COL22A1: variants seen among roughly 807,000 people sequenced by gnomAD.
COL22A1 encodes collagen type XXII alpha 1 chain, also known as collagen alpha-1(XXII) chain.
In COL22A1, 221 loss-of-function variants were observed where a neutral mutation model predicts 248.9. That is an observed-to-expected ratio of 0.89 (90% confidence interval 0.80 to 0.99). The LOEUF is 0.99. COL22A1 is among the 50% of genes least tolerant of loss of function. COL22A1 has a pLI of 0.00. For synonymous variants in COL22A1, 891 were observed against 793.4 expected (o/e 1.12, Z -2.07); for missense variants, 2,240 against 2,179.0 (o/e 1.03, Z -0.56).
At chr8:138,803,553 A>G (rs762886232) in intron 10 of COL22A1, among the ~76,000 whole-genome samples, 21 of 152,142 alleles carry the variant, frequency 1.4e-4, no homozygotes, top group Non-Finnish European at 1.8e-4. Flanking sequence ...ATAAAACAAA[A>G]CTTCCAAGTG....
At chr8:138,727,791 G>GGGGCA (rs1397462787) in intron 23 of COL22A1, among the ~76,000 whole-genome samples, 1 of 152,160 alleles carries the variant, frequency 6.6e-6, no homozygotes, top group Non-Finnish European at 1.5e-5. Flanking sequence ...GAGCAACGGA[G>GGGGCA]GGGCAGGGCA....
chr8:138,617,973 C>T (rs1168630531), intron 53 of COL22A1, among the ~76,000 whole-genome samples: 1 of 152,162 alleles, frequency 6.6e-6, no homozygotes, highest in African/African-American at 2.4e-5. Context: ...TGGGGCTTGG[C>T]ATCTTCCTCA....
In COL22A1 at chr8:138,755,849, A is replaced by G. The variant is rs1832953952; in HGVS notation, c.1903-20T>C. 1 of 1,611,916 alleles carries G rather than the reference A, an allele frequency of 6.2e-7. No individual in the cohort carries two copies. Among genetic ancestry groups the G allele is most frequent in the Non-Finnish European group, 8.5e-7 (1 of 1,178,156 alleles). The stretch of plus-strand genomic sequence containing the variant: ...GTCACCCTGCACAGAAACGACAAAC[A>G]TTTCAGCATAGTTACTGGTGCCACC... On this transcript the variant is annotated intron_variant, in intron 18 of 64. Coordinates refer to ENST00000303045, the MANE Select transcript of COL22A1 (RefSeq NM_152888.3).
rs187494226 is a variant in COL22A1 at position 138,821,255 on chromosome 8, C to A, written c.1126G>T (p.Val376Phe). The change falls in exon 7 of 65, where the codon GTC (valine) becomes TTC (phenylalanine). Residue 376 changes from valine to phenylalanine, a missense_variant. Coordinates refer to ENST00000303045, the MANE Select transcript of COL22A1 (RefSeq NM_152888.3). ...KMALSIQAQN[V>F]SLHIDCALVQ... ...AGCGCACAGTCAATGTGCAGGGAGA[C>A]GTTCTGGGCCTGGATGCTCAGGGCC... The A allele has an allele frequency of 1.9e-6, 3 of 1,614,196 alleles. No individual in the cohort carries two copies. The highest frequency in any genetic ancestry group is 4.5e-5 in the East Asian group (2 of 44,882).
Position 138,833,070 on chromosome 8 carries a change from T to G in COL22A1, c.814A>C (p.Met272Leu), listed in dbSNP as rs1240931569. Residue 272 changes from methionine to leucine, a missense_variant, in exon 5 of 65, where the codon ATG becomes CTG. Transcript: ENST00000303045. ...CTTTGCACCACAGGGAAGGATCCCA[T>G]CCGTACATAGGAACTCTGAGCTCCA... ...ENGAQSSYVR[M>L]GSFPVVQSTE... 2.5e-6 allele frequency: 4 copies of G among 1,613,478 alleles called. No individual in the cohort carries two copies. Among genetic ancestry groups the G allele is most frequent in the Non-Finnish European group, 3.4e-6 (4 of 1,179,510 alleles).
rs1828044273 is a variant in COL22A1 at position 138,702,466 on chromosome 8, T to A, written c.2559+840A>T. On this transcript the variant is annotated intron_variant, in intron 31 of 64. Transcript: ENST00000303045. ...TTCTGAGTGCACAGGCTCTCTCCTC[T>A]CCTGGCATCCCCTGCAAGGGCCAGT... 2.6e-5 allele frequency among the ~76,000 whole-genome samples: 4 copies of A among 152,250 alleles called. No homozygotes were observed. In the South Asian group the frequency reaches 8.3e-4, roughly 32 times the overall value.
At chr8:138,864,026 T>C (rs1822682433) in intron 3 of COL22A1, among the ~76,000 whole-genome samples, 1 of 152,184 alleles carries the variant, frequency 6.6e-6, no homozygotes, top group Admixed American at 6.5e-5. Flanking sequence ...AATGCCGCTC[T>C]TGGGCACAGA....
At chr8:138,756,251 C>T (rs964067417) in intron 18 of COL22A1, among the ~76,000 whole-genome samples, 12 of 152,218 alleles carry the variant, frequency 7.9e-5, no homozygotes, top group South Asian at 4.2e-4. Flanking sequence ...TTCATAGCTC[C>T]GCACACAGTC....
Position 138,876,411 on chromosome 8 carries a change from T to G in COL22A1, c.658+1339A>C, listed in dbSNP as rs1205304340. The stretch of plus-strand genomic sequence containing the variant: ...CTGCCCGGTATCACATTCCCTTTTA[T>G]GTGGCTTTCCTGCCTTCTAGACTAT... On this transcript the variant is annotated intron_variant, in intron 3 of 64. Coordinates refer to ENST00000303045, the MANE Select transcript of COL22A1 (RefSeq NM_152888.3). 2.6e-5 allele frequency among the ~76,000 whole-genome samples: 4 copies of G among 152,342 alleles called. No homozygotes were observed. In the South Asian group the frequency reaches 6.2e-4, roughly 24 times the overall value.
At chr8:138,726,571 G>T (rs1196699084) in intron 23 of COL22A1, among the ~76,000 whole-genome samples, 1 of 151,866 alleles carries the variant, frequency 6.6e-6, no homozygotes, top group African/African-American at 2.4e-5. Context: ...TAGGTCCAGG[G>T]GGTCCTGGGA....
intron 4 of COL22A1, 108 bp downstream of exon 4, chr8:138,843,976 G>T: frequency 1.1e-6 from 1 of 941,498 alleles, no homozygotes; most frequent in Non-Finnish European, 1.8e-6. Context: ...TGAAATATGG[G>T]AACAAGAACA....
At chr8:138,714,235 A>G (rs77126345) in intron 30 of COL22A1, among the ~76,000 whole-genome samples, 130,298 of 151,578 alleles carry the variant, frequency 0.86, 56,152 homozygotes, top group Non-Finnish European at 0.9. Context: ...TTAGGCGTGT[A>G]TCAAAATCTC....
intron 30 of COL22A1, among the ~76,000 whole-genome samples, chr8:138,705,522 A>G (rs1368300538): frequency 6.6e-6 from 1 of 152,218 alleles, no homozygotes; most frequent in African/African-American, 2.4e-5. Context: ...TTTCATATCC[A>G]GCCAAACTAA....
chr8:138,878,120 G>A lies in COL22A1; in HGVS notation c.288C>T (p.Gly96=). 2 of 1,605,316 alleles carry A rather than the reference G, an allele frequency of 1.2e-6. No individual in the cohort carries two copies. Among genetic ancestry groups the A allele is most frequent in the Non-Finnish European group, 1.7e-6 (2 of 1,176,690 alleles). Residue 96 remains glycine (G), a synonymous_variant, in exon 3 of 65, where the codon GGC becomes GGT. Transcript: ENST00000303045. ...CAGCCGCCTTGACCTCCTCCTGCGA[G>A]CCAAAGAGTCCCAACTCGAAGGCCG... ...PTTAFELGLF[G]SQEEVKAAAR... is the part of the protein sequence containing the mutation.
chr8:138,743,624 A>G (rs371876033), intron 22 of COL22A1, among the ~76,000 whole-genome samples: 26 of 152,164 alleles, frequency 1.7e-4, no homozygotes, highest in African/African-American at 6.0e-4. Context: ...CAAAGATTTG[A>G]GAAGTGCTAG....
chr8:138,658,675 TA>T (rs1823511341), intron 44 of COL22A1, among the ~76,000 whole-genome samples: 2 of 152,212 alleles, frequency 1.3e-5, no homozygotes, highest in Non-Finnish European at 2.9e-5. Flanking sequence ...TGTATCATTT[TA>T]CTGTAATAAA....
chr8:138,685,091 C>A (rs1306606469), intron 38 of COL22A1, 117 bp downstream of exon 38: 1 of 745,140 alleles, frequency 1.3e-6, no homozygotes, highest in Non-Finnish European at 2.3e-6. Flanking sequence ...CAACCAGGCC[C>A]ATTTCATTGG....
intron 1 of COL22A1, among the ~76,000 whole-genome samples, chr8:138,909,482 C>T (rs941104787): frequency 7.9e-5 from 12 of 151,636 alleles, no homozygotes; most frequent in African/African-American, 2.7e-4. Context: ...CTGGACCTGC[C>T]GGTGTGCAGT....
Position 138,589,091 on chromosome 8 carries a change from A to C in COL22A1, c.*162T>G. The C allele has an allele frequency of 1.6e-6, 1 of 640,904 alleles. No individual in the cohort carries two copies. Among genetic ancestry groups the C allele is most frequent in the Non-Finnish European group, 2.7e-6 (1 of 368,078 alleles). The allele number at this position is 640,904 out of a possible 1,614,324, so 39.7% of individuals were successfully genotyped here. A position where few individuals can be genotyped will look rare whatever the true frequency, so the allele number is the denominator to read the frequency against. ...ACCGGCAGCGTCTGTTGGATTTAAT[A>C]ATTTTGAGGTCTCTCAAGAAAATAA... On this transcript the variant is annotated 3_prime_UTR_variant, in exon 65 of 65. Coordinates refer to ENST00000303045, the MANE Select transcript of COL22A1 (RefSeq NM_152888.3).
Sources: gnomAD v4.1 joint callset for allele counts (sites outside exome capture counted in the v4.1 genomes callset) on GRCh38, gnomAD v4.1.1 for gene constraint, MANE v1.5 for transcripts, NCBI Gene and HGNC (gene_info 2026-07-23, HGNC 2026-07-21) for gene names.